GFRA3: variants seen among roughly 807,000 people sequenced by gnomAD.
GFRA3 encodes the protein GDNF family receptor alpha-3.
Under a neutral mutation model 40.0 loss-of-function variants are expected in GFRA3, and 24 were observed. That is an observed-to-expected ratio of 0.60 (90% confidence interval 0.43 to 0.84). The LOEUF (loss-of-function observed/expected upper bound fraction) is 0.84, where lower values mean the gene tolerates loss of function less well. GFRA3 is among the 40% of genes least tolerant of loss of function. The pLI, the probability that GFRA3 is intolerant of heterozygous loss-of-function variation, is 0.00. For missense variants in GFRA3, 405 were observed against 530.6 expected, an observed-to-expected ratio of 0.76 and a Z score of 2.33; for synonymous variants, 203 against 213.5, an observed-to-expected ratio of 0.95 and a Z score of 0.43.
chr5:138,259,538 G>GC lies in GFRA3; in HGVS notation c.472+18dup. The stretch of plus-strand genomic sequence containing the variant: ...TCCAGCCCCAGCCTCTGGTTCCCGA[G>GC]CCTAGTTGCCCTCCACACCTGGTTT... On this transcript the variant is annotated intron_variant, in intron 3 of 7. Transcript: ENST00000274721. The GC allele has an allele frequency of 6.9e-6, 8 of 1,167,470 alleles. No homozygotes were observed. The highest frequency in any genetic ancestry group is 1.5e-5 in the African/African-American group (1 of 66,566). 72.3% of individuals were successfully genotyped at this position (1,167,470 alleles called of 1,614,324 possible). A position where few individuals can be genotyped will look rare whatever the true frequency, so the allele number is the denominator to read the frequency against.
intron 4 of GFRA3, among the ~76,000 whole-genome samples, chr5:138,256,180 G>A (rs1485604248): frequency 1.8e-4 from 27 of 147,234 alleles, no homozygotes; most frequent in Non-Finnish European, 3.6e-4. Flanking sequence ...GCAGTGAGCC[G>A]AGATCGCACC....
intron 4 of GFRA3, among the ~76,000 whole-genome samples, chr5:138,256,554 CA>C (rs370858708): frequency 0.37 from 51,083 of 137,820 alleles, 9,305 homozygotes; most frequent in South Asian, 0.44. Context: ...AAAAAACAAA[CA>C]AAAAAAAAAA....
intron 2 of GFRA3, among the ~76,000 whole-genome samples, chr5:138,260,898 A>G (rs1289094631): frequency 7.5e-5 from 11 of 146,886 alleles, no homozygotes. Context: ...GCACACACAT[A>G]TAGTCCCAGC....
At chr5:138,267,638 T>C (rs1210952579) in intron 1 of GFRA3, 1 of 210,434 alleles carries the variant, frequency 4.8e-6, no homozygotes, top group Non-Finnish European at 1.0e-5. Context: ...GATCAGTCTT[T>C]ACTCGTCAGA....
chr5:138,273,936 G>A (rs1275558198), intron 1 of GFRA3, among the ~76,000 whole-genome samples: 1 of 152,154 alleles, frequency 6.6e-6, no homozygotes, highest in Non-Finnish European at 1.5e-5. Flanking sequence ...AAAGCAGATG[G>A]AAGAGTTAAA....
intron 3 of GFRA3, 41 bp downstream of exon 3, chr5:138,259,516 A>G (rs1561650379): frequency 1.1e-6 from 1 of 887,274 alleles, no homozygotes; most frequent in Non-Finnish European, 1.9e-6. Context: ...TCCAGGGTCC[A>G]GCCCCAGCCT....
At chr5:138,262,801 C>G (rs1755730739) in intron 2 of GFRA3, among the ~76,000 whole-genome samples, 1 of 151,912 alleles carries the variant, frequency 6.6e-6, no homozygotes, top group Non-Finnish European at 1.5e-5. Context: ...TATCCTGACC[C>G]TGTTCCGTTA....
At chr5:138,259,303 C>T (rs769410612) in intron 3 of GFRA3, among the ~76,000 whole-genome samples, 2 of 152,340 alleles carry the variant, frequency 1.3e-5, no homozygotes, top group African/African-American at 4.8e-5. Context: ...TGCAGGGGCT[C>T]GCCTTGTGGA....
chr5:138,274,382 G>T lies in GFRA3; in HGVS notation c.43C>A (p.Leu15Met). 7.5e-7 allele frequency: 1 copy of T among 1,330,022 alleles called. No homozygotes were observed. The highest frequency in any genetic ancestry group is 9.6e-7 in the Non-Finnish European group (1 of 1,036,660). The allele number at this position is 1,330,022 out of a possible 1,614,324, so 82.4% of individuals were successfully genotyped here. A position where few individuals can be genotyped will look rare whatever the true frequency, so the allele number is the denominator to read the frequency against. ...GGCGGCAGCAGCAGCAGCAACATCA[G>T]GACTACGGGCGGCAGCGGTCGCGGG... ...LNPRPLPPVV[L>M]MLLLLLPPSP... Residue 15 changes from leucine to methionine, a missense_variant, in exon 1 of 8, where the codon CTG becomes ATG. Coordinates refer to ENST00000274721, the MANE Select transcript of GFRA3 (RefSeq NM_001496.4).
At chr5:138,258,850 A>C (rs1043443215) in intron 3 of GFRA3, among the ~76,000 whole-genome samples, 21 of 152,218 alleles carry the variant, frequency 1.4e-4, no homozygotes, top group African/African-American at 5.1e-4. Context: ...TGATATTTCT[A>C]TTAACAGAAT....
chr5:138,254,193 T>C (rs774926607), intron 4 of GFRA3, 33 bp from the exon 5 acceptor site: 10 of 1,330,594 alleles, frequency 7.5e-6, no homozygotes, highest in East Asian at 2.3e-5. Context: ...CTTTCTTTTT[T>C]TTTTTTTTTT....
At chr5:138,268,880 A>T (rs1266665051) in intron 1 of GFRA3, among the ~76,000 whole-genome samples, 1 of 149,180 alleles carries the variant, frequency 6.7e-6, no homozygotes, top group Non-Finnish European at 1.5e-5. Flanking sequence ...AGCCAAGATC[A>T]TGCCACTGCA....
Position 138,253,365 on chromosome 5 carries a change from A to T in GFRA3, c.1035T>A (p.Ile345=). ...GGCTGTGAAAACGCATCTTAGCTGC[A>T]ATGGCCTCCGCTGAAGAGAGGAGAG... ...FSHNPCLTEA[I]AAKMRFHSQL... The change falls in exon 7 of 8, where the codon ATT becomes ATA. Residue 345 remains isoleucine (I), a synonymous_variant. Coordinates refer to ENST00000274721, the MANE Select transcript of GFRA3 (RefSeq NM_001496.4). The T allele has an allele frequency of 6.3e-7, 1 of 1,593,352 alleles. No individual in the cohort carries two copies. Among genetic ancestry groups the T allele is most frequent in the Admixed American group, 1.7e-5 (1 of 58,048 alleles).
chr5:138,259,693 G>T (rs565546411), intron 2 of GFRA3, 44 bp from the exon 3 acceptor site: 3 of 857,890 alleles, frequency 3.5e-6, no homozygotes, highest in Middle Eastern at 2.2e-4. Context: ...GGACCAGGGT[G>T]GGGTAGGCTG....
At chr5:138,274,201 T>C in intron 1 of GFRA3, 133 bp downstream of exon 1, 1 of 1,191,600 alleles carries the variant, frequency 8.4e-7, no homozygotes, top group Non-Finnish European at 1.1e-6. Flanking sequence ...GGCTTCCTGC[T>C]CCAGTTCCCC....
intron 1 of GFRA3, among the ~76,000 whole-genome samples, chr5:138,273,542 C>G (rs1374517920): frequency 1.3e-5 from 2 of 152,196 alleles, no homozygotes; most frequent in Non-Finnish European, 2.9e-5. Flanking sequence ...CCATATCTGT[C>G]TCAAGGCAGC....
intron 2 of GFRA3, among the ~76,000 whole-genome samples, chr5:138,263,754 C>T (rs535003221): frequency 9.2e-5 from 14 of 152,232 alleles, no homozygotes; most frequent in East Asian, 3.9e-4. Context: ...CAACATAGTC[C>T]GGTAAAAGCT....
intron 1 of GFRA3, 133 bp from the exon 2 acceptor site, chr5:138,264,681 A>C: frequency 1.6e-6 from 1 of 619,298 alleles, no homozygotes; most frequent in East Asian, 2.7e-5. Context: ...AAAGGCCTTT[A>C]AGAATAAGTG....
At chr5:138,273,314 G>T (rs1755903610) in intron 1 of GFRA3, among the ~76,000 whole-genome samples, 1 of 152,198 alleles carries the variant, frequency 6.6e-6, no homozygotes, top group Non-Finnish European at 1.5e-5. Context: ...TGTCATTGCT[G>T]TCAAGTATTA....
Sources: gnomAD v4.1 joint callset for allele counts (sites outside exome capture counted in the v4.1 genomes callset) on GRCh38, gnomAD v4.1.1 for gene constraint, MANE v1.5 for transcripts, NCBI Gene and HGNC (gene_info 2026-07-23, HGNC 2026-07-21) for gene names.